IQCJ: variants seen among roughly 807,000 people sequenced by gnomAD.
IQCJ encodes IQ motif containing J.
Under a neutral mutation model 11.0 loss-of-function variants are expected in IQCJ, and 9 were observed. That is an observed-to-expected ratio of 0.82 (90% CI 0.49 to 1.43). The LOEUF is 1.43. Ranked by LOEUF, IQCJ falls within the 40% of genes most tolerant of loss-of-function variation. The pLI, the probability that IQCJ is intolerant of heterozygous loss-of-function variation, is 0.00. For missense variants in IQCJ, 146 were observed against 133.2 expected (o/e 1.10, Z -0.47); for synonymous variants, 55 against 51.3 (o/e 1.07, Z -0.31).
chr3:159,135,435 A>G (rs904790152), intron 1 of IQCJ, among the ~76,000 whole-genome samples: 1 of 152,080 alleles, frequency 6.6e-6, no homozygotes, highest in Non-Finnish European at 1.5e-5. Context: ...CTGTAACAAA[A>G]CCCCAGAGGC....
At chr3:159,111,948 GT>G (rs534189854) in intron 1 of IQCJ, among the ~76,000 whole-genome samples, 1 of 151,122 alleles carries the variant, frequency 6.6e-6, no homozygotes, top group Non-Finnish European at 1.5e-5. Flanking sequence ...TGTGTCTTGG[GT>G]TTTTTTTTCC....
Position 159,260,817 on chromosome 3 carries a change from A to G in IQCJ, c.156-1731A>G, listed in dbSNP as rs550968513. Among the ~76,000 whole-genome samples the G allele has an allele frequency of 4.6e-5, 7 of 152,340 alleles. No individual in the cohort carries two copies. The South Asian group carries it at 1.5e-3, about 32-fold the overall frequency. On this transcript the variant is annotated intron_variant, in intron 3 of 3. Transcript: ENST00000397832. ...TATAATCTGAAGAGTCCTTTAAAAA[A>G]AAAACTCTAAAAGTATCTTATTTTT...
At chr3:159,183,263 T>C (rs1024073048) in intron 1 of IQCJ, among the ~76,000 whole-genome samples, 3 of 152,196 alleles carry the variant, frequency 2.0e-5, no homozygotes, top group African/African-American at 4.8e-5. Context: ...CTGGTTCATT[T>C]TGAGATTGTT....
chr3:159,216,816 A>G (rs1725261018), intron 1 of IQCJ, among the ~76,000 whole-genome samples: 1 of 152,168 alleles, frequency 6.6e-6, no homozygotes, highest in Non-Finnish European at 1.5e-5. Context: ...AGTTATCTTT[A>G]AAAACAAATA....
intron 1 of IQCJ, among the ~76,000 whole-genome samples, chr3:159,212,168 G>A (rs1200038987): frequency 6.6e-6 from 1 of 151,888 alleles, no homozygotes; most frequent in East Asian, 1.9e-4. Flanking sequence ...GTGCCCTTTT[G>A]GATAGGAACA....
At chr3:159,088,521 C>T (rs373441377) in intron 1 of IQCJ, among the ~76,000 whole-genome samples, 6 of 152,002 alleles carry the variant, frequency 3.9e-5, no homozygotes, top group Non-Finnish European at 8.8e-5. Flanking sequence ...CAGTGGGGTG[C>T]TAAAGTCTCC....
chr3:159,246,852 A>G (rs1255301266), intron 2 of IQCJ, among the ~76,000 whole-genome samples: 1 of 152,188 alleles, frequency 6.6e-6, no homozygotes, highest in Non-Finnish European at 1.5e-5. Flanking sequence ...AGAAAATAGA[A>G]CAAGAGTCAA....
intron 1 of IQCJ, among the ~76,000 whole-genome samples, chr3:159,083,063 A>C (rs1716436641): frequency 6.6e-6 from 1 of 152,150 alleles, no homozygotes; most frequent in African/African-American, 2.4e-5. Flanking sequence ...AGCCTTCTTA[A>C]ACTTGTCACC....
At chr3:159,251,256 C>T (rs116469536) in intron 2 of IQCJ, among the ~76,000 whole-genome samples, 31 of 152,194 alleles carry the variant, frequency 2.0e-4, no homozygotes, top group African/African-American at 5.1e-4. Flanking sequence ...CTCTCCAGCA[C>T]AATTTTTTTC....
chr3:159,070,175 A>C (rs1197029876), intron 1 of IQCJ: 1 of 157,792 alleles, frequency 6.3e-6, no homozygotes, highest in African/African-American at 2.4e-5. Flanking sequence ...TCACATTCAC[A>C]CTGTACATTT....
At chr3:159,216,658 C>T (rs939042869) in intron 1 of IQCJ, among the ~76,000 whole-genome samples, 2 of 152,112 alleles carry the variant, frequency 1.3e-5, no homozygotes, top group Admixed American at 1.3e-4. Flanking sequence ...TTTCTGTAAC[C>T]TGTGACTTGT....
chr3:159,154,125 C>A (rs1264953819), intron 1 of IQCJ, among the ~76,000 whole-genome samples: 6 of 152,194 alleles, frequency 3.9e-5, no homozygotes, highest in Admixed American at 6.5e-5. Flanking sequence ...AAAATCTAAA[C>A]CCCCAAATTG....
intron 2 of IQCJ, among the ~76,000 whole-genome samples, chr3:159,247,726 T>C (rs1259843507): frequency 6.6e-6 from 1 of 152,130 alleles, no homozygotes; most frequent in African/African-American, 2.4e-5. Flanking sequence ...TAGAGGAATA[T>C]TTTTAGTTTT....
intron 1 of IQCJ, among the ~76,000 whole-genome samples, chr3:159,178,279 G>T (rs1722895253): frequency 6.6e-6 from 1 of 152,206 alleles, no homozygotes. Flanking sequence ...ATCATGGGAT[G>T]AGGATGTGCT....
intron 2 of IQCJ, among the ~76,000 whole-genome samples, chr3:159,250,740 C>T (rs762683590): frequency 3.3e-5 from 5 of 152,212 alleles, no homozygotes; most frequent in Non-Finnish European, 5.9e-5. Context: ...TCCACCTGGT[C>T]TCGTCCTTGA....
intron 1 of IQCJ, among the ~76,000 whole-genome samples, chr3:159,117,649 T>C (rs529464490): frequency 1.7e-4 from 26 of 152,288 alleles, no homozygotes; most frequent in African/African-American, 6.3e-4. Context: ...ATTGATAAAC[T>C]GTGGGACACC....
intron 3 of IQCJ, among the ~76,000 whole-genome samples, chr3:159,254,593 CTT>C (rs2108219636): frequency 6.6e-6 from 1 of 152,294 alleles, no homozygotes; most frequent in South Asian, 2.1e-4. Flanking sequence ...TTATTAAATT[CTT>C]AACTCTCATG....
At chr3:159,184,739 A>G (rs1723287976) in intron 1 of IQCJ, among the ~76,000 whole-genome samples, 2 of 152,198 alleles carry the variant, frequency 1.3e-5, no homozygotes, top group African/African-American at 4.8e-5. Flanking sequence ...ATTTGGATGA[A>G]TCTTGAAATT....
At chr3:159,202,517 G>A (rs1309284322) in intron 1 of IQCJ, among the ~76,000 whole-genome samples, 1 of 152,162 alleles carries the variant, frequency 6.6e-6, no homozygotes, top group Non-Finnish European at 1.5e-5. Context: ...GCCCAAGTGG[G>A]TTCTCTCTTG....
Sources: allele counts gnomAD v4.1 joint callset (sites outside exome capture counted in the v4.1 genomes callset), GRCh38; gene constraint gnomAD v4.1.1; transcripts MANE v1.5; gene names NCBI Gene and HGNC (gene_info 2026-07-23, HGNC 2026-07-21).